Variants in ZNF14 observed in about 807,000 individuals in gnomAD.
The protein encoded by ZNF14 is zinc finger protein 14.
ZNF14 carries 9 observed loss-of-function variants against 11.3 expected under a neutral mutation model. The observed-to-expected ratio is 0.80, with a 90% CI of 0.48 to 1.39. ZNF14 has a LOEUF of 1.39. ZNF14 is among the 40% of genes most tolerant of loss of function. The pLI is 0.00. For missense variants in ZNF14, 711 were observed against 763.9 expected (o/e 0.93, Z 0.82); for synonymous variants, 239 against 245.7 (o/e 0.97, Z 0.25).
At chr19:19,714,189 A>C (rs146543505) in intron 2 of ZNF14, 38 bp from the exon 3 acceptor site, 1 of 1,601,174 alleles carries the variant, frequency 6.2e-7, no homozygotes, top group Non-Finnish European at 8.5e-7. Context: ...AAAAATTATT[A>C]GAAATTATAG....
chr19:19,719,242 C>T (rs36006965), intron 1 of ZNF14, among the ~76,000 whole-genome samples: 29,687 of 152,002 alleles, frequency 0.2, 3,691 homozygotes, highest in East Asian at 0.27. Context: ...AGCGTACCTG[C>T]CTTGAAAGAA....
intron 1 of ZNF14, 60 bp from the exon 2 acceptor site, chr19:19,714,547 T>C (rs2062372194): frequency 6.4e-7 from 1 of 1,551,506 alleles, no homozygotes; most frequent in East Asian, 2.3e-5. Context: ...TGGGGATCTA[T>C]ACTTGATTTG....
In ZNF14 at chr19:19,733,036, C is replaced by G; in HGVS notation, c.-78G>C. On this transcript the variant is annotated 5_prime_UTR_variant, in exon 1 of 4. Coordinates refer to ENST00000344099, the MANE Select transcript of ZNF14 (RefSeq NM_021030.3). Reference sequence around the variant, plus strand: ...GCAGGTCACGGCGCGACAAAGGATGCGCTAGAGCCACCTTCGGCCTTCAGG... The same window carrying G: ...GCAGGTCACGGCGCGACAAAGGATGGGCTAGAGCCACCTTCGGCCTTCAGG... 6.4e-7 allele frequency: 1 copy of G among 1,573,064 alleles called. No individual in the cohort carries two copies.
In ZNF14 at chr19:19,720,192, G is replaced by A. The variant is rs1203923042; in HGVS notation, c.4-5705C>T. Among the ~76,000 whole-genome samples the A allele has an allele frequency of 6.6e-6, 1 of 152,096 alleles. No individual in the cohort carries two copies. Among genetic ancestry groups the A allele is most frequent in the Non-Finnish European group, 1.5e-5 (1 of 68,036 alleles). On this transcript the variant is annotated intron_variant, in intron 1 of 3. Transcript: ENST00000344099. This position sits in a 1 kb window ranked among gnomAD's most constrained non-coding sequence, Gnocchi z 4.1. ...GATCCAGCAGGCAGAAAATGAGGAAGGACATTGTTGAACTGAACAGTACCA... is the reference window on the plus strand; with the variant it reads ...GATCCAGCAGGCAGAAAATGAGGAAAGACATTGTTGAACTGAACAGTACCA...
In ZNF14 at chr19:19,720,119, C is replaced by T. The variant is rs11665940; in HGVS notation, c.4-5632G>A. 0.19 allele frequency among the ~76,000 whole-genome samples: 28,354 copies of T among 151,954 alleles called. 2,850 individuals are homozygous for T. Among genetic ancestry groups the T allele is most frequent in the Middle Eastern group, 0.26 (76 of 292 alleles). On this transcript the variant is annotated intron_variant, in intron 1 of 3. Transcript: ENST00000344099. The surrounding 1 kb of genome is among the most constrained non-coding windows in gnomAD (Gnocchi z 4.1). ...GAACGGCAGGGAGAACTGCATGGAGCCATGAAGTATAGCTGGAGACTTCAA... is the reference window on the plus strand; with the variant it reads ...GAACGGCAGGGAGAACTGCATGGAGTCATGAAGTATAGCTGGAGACTTCAA...
At chr19:19,724,479 G>C (rs2062401423) in intron 1 of ZNF14, among the ~76,000 whole-genome samples, 1 of 133,788 alleles carries the variant, frequency 7.5e-6, no homozygotes, top group Non-Finnish European at 1.7e-5. Flanking sequence ...TTTTACATTT[G>C]CTGAGGAGTG....
chr19:19,721,920 G>A lies in ZNF14; in HGVS notation c.4-7433C>T, dbSNP rs186863046. 1.5e-3 allele frequency among the ~76,000 whole-genome samples: 221 copies of A among 148,140 alleles called. 1 individual carries two copies. Among genetic ancestry groups the A allele is most frequent in the Admixed American group, 0.014 (208 of 14,664 alleles). On this transcript the variant is annotated intron_variant, in intron 1 of 3. Coordinates refer to ENST00000344099, the MANE Select transcript of ZNF14 (RefSeq NM_021030.3). ...AGAGTATGCAGTGAGCCAACATTGC[G>A]CCATTGCACTCCAGCCTGGGTGACA...
Position 19,725,762 on chromosome 19 carries a change from G to T in ZNF14, c.3+7194C>A, listed in dbSNP as rs2062404823. ...TCACATAGTCCCAAATTTCTTGGAG[G>T]CTTTGTTAATTTCTTTTTACTCTTT... On this transcript the variant is annotated intron_variant, in intron 1 of 3. Coordinates refer to ENST00000344099, the MANE Select transcript of ZNF14 (RefSeq NM_021030.3). Among the ~76,000 whole-genome samples the T allele has an allele frequency of 1.5e-5, 2 of 133,532 alleles. 1 individual carries two copies. Among genetic ancestry groups the T allele is most frequent in the East Asian group, 4.2e-4 (2 of 4,714 alleles). 87.6% of individuals were successfully genotyped at this position (133,532 alleles called of 152,430 possible).
chr19:19,717,007 G>A (rs1263410242), intron 1 of ZNF14, among the ~76,000 whole-genome samples: 2 of 152,054 alleles, frequency 1.3e-5, no homozygotes, highest in African/African-American at 2.4e-5. Flanking sequence ...CTTTTCCAAC[G>A]CCATTCTCCA....
At chr19:19,718,898 G>A (rs145913057) in intron 1 of ZNF14, among the ~76,000 whole-genome samples, 9 of 152,228 alleles carry the variant, frequency 5.9e-5, no homozygotes, top group African/African-American at 2.2e-4. Context: ...CCGAGTAGCT[G>A]AGATTACAGG....
At chr19:19,718,077 G>A (rs1256830576) in intron 1 of ZNF14, among the ~76,000 whole-genome samples, 1 of 152,098 alleles carries the variant, frequency 6.6e-6, no homozygotes, top group African/African-American at 2.4e-5. Flanking sequence ...CTTTTTCCCA[G>A]TACATCTTGT....
rs1452469882 is a variant in ZNF14 at position 19,712,880 on chromosome 19, T to C, written c.401A>G (p.Gln134Arg). The C allele has an allele frequency of 6.2e-7, 1 of 1,614,204 alleles. No homozygotes were observed. The highest frequency in any genetic ancestry group is 8.5e-7 in the Non-Finnish European group (1 of 1,180,018). ...TTTACATGGTTGCTTTTCATATTCC[T>C]GATACTCATTTGGTTTCTGTCCAGT... is the stretch of plus-strand genomic sequence containing the variant. The part of the protein sequence containing the change: ...SHTGQKPNEY[Q>R]EYEKQPCKCK... The change falls in exon 4 of 4, where the codon CAG (glutamine) becomes CGG (arginine). Residue 134 changes from glutamine (Q) to arginine (R), a missense_variant. Coordinates refer to ENST00000344099, the MANE Select transcript of ZNF14 (RefSeq NM_021030.3).
intron 1 of ZNF14, 150 bp downstream of exon 1, chr19:19,732,806 G>T: frequency 9.5e-7 from 1 of 1,048,738 alleles, no homozygotes; most frequent in Non-Finnish European, 1.4e-6. Flanking sequence ...TGCGGGTCCA[G>T]CTCCCACAGA....
chr19:19,731,919 T>C (rs934224538), intron 1 of ZNF14, among the ~76,000 whole-genome samples: 1 of 152,018 alleles, frequency 6.6e-6, no homozygotes, highest in Non-Finnish European at 1.5e-5. Flanking sequence ...TACAAAAAAA[T>C]TAGCTGGGCG....
Position 19,733,067 on chromosome 19 carries a change from G to A in ZNF14, c.-109C>T, listed in dbSNP as rs1363475796. On this transcript the variant is annotated 5_prime_UTR_variant, in exon 1 of 4. Coordinates refer to ENST00000344099, the MANE Select transcript of ZNF14 (RefSeq NM_021030.3). Reference sequence around the variant, plus strand: ...AGCCACCTTCGGCCTTCAGGAGCAGGTGAAACGCAATCTTCCCATGGGCCA... The same window carrying A: ...AGCCACCTTCGGCCTTCAGGAGCAGATGAAACGCAATCTTCCCATGGGCCA... 15 of 1,421,386 alleles carry A rather than the reference G, an allele frequency of 1.1e-5. No homozygotes were observed. The highest frequency in any genetic ancestry group is 1.9e-4 in the Middle Eastern group (1 of 5,334). 88.0% of individuals were successfully genotyped at this position (1,421,386 alleles called of 1,614,324 possible).
At chr19:19,713,198 G>T in intron 3 of ZNF14, 109 bp from the exon 4 acceptor site, 2 of 999,024 alleles carry the variant, frequency 2.0e-6, no homozygotes, top group Non-Finnish European at 2.9e-6. Flanking sequence ...TAGGATATCT[G>T]CCCTGTCTGA....
chr19:19,721,733 G>A (rs1275222498), intron 1 of ZNF14, among the ~76,000 whole-genome samples: 1 of 152,040 alleles, frequency 6.6e-6, no homozygotes, highest in East Asian at 1.9e-4. Context: ...AGGCCGAGGT[G>A]GGTGGATCAC....
chr19:19,727,945 C>T lies in ZNF14; in HGVS notation c.3+5011G>A, dbSNP rs779670436. Among the ~76,000 whole-genome samples the T allele has an allele frequency of 3.0e-5, 4 of 132,856 alleles. 1 individual carries two copies. The highest frequency in any genetic ancestry group is 5.0e-5 in the Non-Finnish European group (3 of 59,856). The allele number at this position is 132,856 out of a possible 152,430, so 87.2% of individuals were successfully genotyped here. ...CAGCCTGGCCATCATGGTGAAACTC[C>T]GTCTCTACTAAAAATACAAAAATTA... On this transcript the variant is annotated intron_variant, in intron 1 of 3. Transcript: ENST00000344099.
In ZNF14 at chr19:19,726,469, G is replaced by A. The variant is rs561687629; in HGVS notation, c.3+6487C>T. ...GAAGCTTCGTCTCAGAGGGGCACCC[G>A]GCTGTATGAGGTGTCAGTTGGCCCC... On this transcript the variant is annotated intron_variant, in intron 1 of 3. Coordinates refer to ENST00000344099, the MANE Select transcript of ZNF14 (RefSeq NM_021030.3). Among the ~76,000 whole-genome samples, 34 of 133,714 alleles carry A rather than the reference G, an allele frequency of 2.5e-4. 6 individuals carry two copies. Among genetic ancestry groups the A allele is most frequent in the Admixed American group, 1.9e-3 (26 of 13,640 alleles). The allele number at this position is 133,714 out of a possible 152,430, so 87.7% of individuals were successfully genotyped here. A position where few individuals can be genotyped will look rare whatever the true frequency, so the allele number is the denominator to read the frequency against.
Sources: allele counts gnomAD v4.1 joint callset (sites outside exome capture counted in the v4.1 genomes callset), GRCh38; gene constraint gnomAD v4.1.1; non-coding constraint Gnocchi (gnomAD v3.1); transcripts MANE v1.5; gene names NCBI Gene and HGNC (gene_info 2026-07-23, HGNC 2026-07-21).